The following UGT1A7 variants were observed in gnomAD, a reference collection of about 807,000 sequenced individuals.
UGT1A7 encodes UDP glucuronosyltransferase family 1 member A7, also known as UDP-glucuronosyltransferase 1A7.
Under a neutral mutation model 45.6 loss-of-function variants are expected in UGT1A7, and 33 were observed. That is an observed-to-expected ratio of 0.72 (90% CI 0.55 to 0.97). The LOEUF (loss-of-function observed/expected upper bound fraction) is 0.97, where lower values mean the gene tolerates loss of function less well. Ranked by LOEUF, UGT1A7 falls within the 50% of genes least tolerant of loss-of-function variation. The pLI is 0.00. For missense variants in UGT1A7, 684 were observed against 666.2 expected (o/e 1.03, Z -0.29); for synonymous variants, 274 against 250.6 (o/e 1.09, Z -0.88).
At chr2:233,743,853 C>G (rs759074098) in intron 1 of UGT1A7, 129 of 1,367,160 alleles carry the variant, frequency 9.4e-5, no homozygotes, top group Non-Finnish European at 1.2e-4. Context: ...TTGCGGTACG[C>G]CTTCTTGATG....
intron 1 of UGT1A7, chr2:233,760,836 T>C: frequency 6.2e-7 from 1 of 1,613,700 alleles, no homozygotes; most frequent in Non-Finnish European, 8.5e-7. Flanking sequence ...AATTTGAGGC[T>C]ACCCAGTGCC....
intron 1 of UGT1A7, among the ~76,000 whole-genome samples, chr2:233,706,103 A>C (rs564369770): frequency 1.5e-4 from 23 of 152,178 alleles, no homozygotes; most frequent in South Asian, 4.2e-4. Context: ...TTAAAAAAAA[A>C]CCAAGAATTT....
rs1384972037 is a variant in UGT1A7 at position 233,682,194 on chromosome 2, A to G, written c.257A>G (p.Gln86Arg). 1.2e-6 allele frequency: 2 copies of G among 1,614,130 alleles called. No individual in the cohort carries two copies. Among genetic ancestry groups the G allele is most frequent in the East Asian group, 2.2e-5 (1 of 44,902 alleles). Residue 86 changes from glutamine (Q) to arginine (R), a missense_variant, in exon 1 of 5, where the codon CAG (glutamine) becomes CGG (arginine). Transcript: ENST00000373426. ...TCAACCTCATACACTCTGGAGGATC[A>G]GGACCGGGAGTTCATGGTTTTTGCC... ...TYSTSYTLED[Q>R]DREFMVFADA... is the part of the protein sequence containing the mutation.
In UGT1A7 at chr2:233,772,933, T is replaced by C. The variant is rs1700557835; in HGVS notation, c.*374T>C. On this transcript the variant is annotated 3_prime_UTR_variant, in exon 5 of 5. Coordinates refer to ENST00000373426, the MANE Select transcript of UGT1A7 (RefSeq NM_019077.3). ...ACTGCAAATGGCAGTTTTAATCTTA[T>C]CTTTTGGCTTCTGCAGATGGTTGCA... is the stretch of plus-strand genomic sequence containing the variant. 2 of 341,712 alleles carry C rather than the reference T, an allele frequency of 5.9e-6. No homozygotes were observed. Among genetic ancestry groups the C allele is most frequent in the East Asian group, 7.7e-5 (1 of 13,004 alleles). The allele number at this position is 341,712 out of a possible 1,614,324, so 21.2% of individuals were successfully genotyped here.
At chr2:233,685,221 C>T (rs45498701) in intron 1 of UGT1A7, among the ~76,000 whole-genome samples, 4,353 of 152,090 alleles carry the variant, frequency 0.029, 192 homozygotes, top group African/African-American at 0.099. Context: ...TTAATAGAGA[C>T]GGGGTTTCAC....
At chr2:233,684,946 ATCTG>A (rs1416123749) in intron 1 of UGT1A7, among the ~76,000 whole-genome samples, 6 of 140,222 alleles carry the variant, frequency 4.3e-5, no homozygotes, top group Admixed American at 6.9e-5. Flanking sequence ...TCTGCATTTC[ATCTG>A]TCTGATGAAA....
chr2:233,751,768 A>C lies in UGT1A7; in HGVS notation c.856-15266A>C, dbSNP rs142654727. Among the ~76,000 whole-genome samples, 1,484 of 152,208 alleles carry C rather than the reference A, an allele frequency of 9.7e-3. 20 individuals carry two copies. The highest frequency in any genetic ancestry group is 0.034 in the African/African-American group (1,414 of 41,516). On this transcript the variant is annotated intron_variant, in intron 1 of 4. Coordinates refer to ENST00000373426, the MANE Select transcript of UGT1A7 (RefSeq NM_019077.3). ...CTTGCTTGCTGCCATGTGAGACATGACTTTGCTTATCTCTCACCTTCTGTC... is the reference window on the plus strand; with the variant it reads ...CTTGCTTGCTGCCATGTGAGACATGCCTTTGCTTATCTCTCACCTTCTGTC...
intron 2 of UGT1A7, among the ~76,000 whole-genome samples, chr2:233,767,590 G>T (rs1451772167): frequency 6.6e-6 from 1 of 152,126 alleles, no homozygotes; most frequent in Middle Eastern, 3.2e-3. Context: ...CCCTTAAAGT[G>T]CAGGAAAGTG....
At chr2:233,730,016 A>C in intron 1 of UGT1A7, 1 of 1,613,836 alleles carries the variant, frequency 6.2e-7, no homozygotes. Context: ...GCCTTCATCC[A>C]ATCAATGTTC....
At chr2:233,705,072 G>T (rs2075820474) in intron 1 of UGT1A7, among the ~76,000 whole-genome samples, 1 of 152,036 alleles carries the variant, frequency 6.6e-6, no homozygotes, top group South Asian at 2.1e-4. Flanking sequence ...GGAGGCGGAG[G>T]TTGCAGAGAG....
At chr2:233,733,959 G>A (rs561727271) in intron 1 of UGT1A7, among the ~76,000 whole-genome samples, 43 of 152,168 alleles carry the variant, frequency 2.8e-4, no homozygotes, top group African/African-American at 9.4e-4. Context: ...CCTGTTGTGG[G>A]GTAGGGGGAG....
At chr2:233,709,289 A>G (rs2076069950) in intron 1 of UGT1A7, among the ~76,000 whole-genome samples, 1 of 152,138 alleles carries the variant, frequency 6.6e-6, no homozygotes, top group African/African-American at 2.4e-5. Context: ...CCCTTCAATT[A>G]ATGATATTTT....
At chr2:233,760,686 C>T in intron 1 of UGT1A7, 1 of 1,614,220 alleles carries the variant, frequency 6.2e-7, no homozygotes, top group African/African-American at 1.3e-5. Flanking sequence ...TACTGCACAA[C>T]AAGGAGCTCA....
chr2:233,693,756 CTGTT>C (rs1404179163), intron 1 of UGT1A7: 1 of 1,614,130 alleles, frequency 6.2e-7, no homozygotes, highest in Admixed American at 1.7e-5. Context: ...CAGAAGGTCT[CTGTT>C]TGGCTGTTAA....
chr2:233,736,505 A>G (rs530894832), intron 1 of UGT1A7, among the ~76,000 whole-genome samples: 2 of 152,202 alleles, frequency 1.3e-5, no homozygotes, highest in South Asian at 2.1e-4. Flanking sequence ...TCTGAAGCCT[A>G]CTTCTGTCAA....
chr2:233,721,794 C>T, intron 1 of UGT1A7: 1 of 512,964 alleles, frequency 1.9e-6, no homozygotes, highest in Non-Finnish European at 3.9e-6. Flanking sequence ...CATTTTAAAG[C>T]ACATGCAGCA....
intron 1 of UGT1A7, among the ~76,000 whole-genome samples, chr2:233,759,178 G>A (rs1697077752): frequency 6.6e-6 from 1 of 152,148 alleles, no homozygotes; most frequent in South Asian, 2.1e-4. Context: ...AGGTTTCACG[G>A]CAAAAAGTTC....
chr2:233,713,574 C>A (rs1477870335), intron 1 of UGT1A7: 4 of 1,613,856 alleles, frequency 2.5e-6, no homozygotes, highest in Non-Finnish European at 3.4e-6. Context: ...CTCCTATATT[C>A]CTAGATTACT....
Position 233,765,707 on chromosome 2 carries a change from ATAAT to A in UGT1A7, c.856-1322_856-1319del, listed in dbSNP as rs1196419117. Among the ~76,000 whole-genome samples, 12 of 144,042 alleles carry A rather than the reference ATAAT, an allele frequency of 8.3e-5. No individual in the cohort carries two copies. The East Asian group carries it at 2.3e-3, about 27-fold the overall frequency. 94.5% of individuals were successfully genotyped at this position (144,042 alleles called of 152,430 possible). Reference sequence around the variant, plus strand: ...GAACTTCAAGTAAATAATAATAATAATAATTAATAATAATAATAATAATAAATAA... The same window carrying A: ...GAACTTCAAGTAAATAATAATAATAATAATAATAATAATAATAATAAATAA... On this transcript the variant is annotated intron_variant, in intron 1 of 4. Transcript: ENST00000373426.
Sources: gnomAD v4.1 joint callset for allele counts (sites outside exome capture counted in the v4.1 genomes callset) on GRCh38, gnomAD v4.1.1 for gene constraint, MANE v1.5 for transcripts, NCBI Gene and HGNC (gene_info 2026-07-23, HGNC 2026-07-21) for gene names.